The following ANXA10 variants were observed in gnomAD, a reference collection of about 807,000 sequenced individuals.
ANXA10 encodes annexin 14.
ANXA10 carries 49 observed loss-of-function variants against 53.5 expected under a neutral mutation model. That is an observed-to-expected ratio of 0.92 (90% CI 0.73 to 1.16). ANXA10 has a LOEUF of 1.16. Among genes scored for constraint, ANXA10 ranks in the 50% most tolerant of loss-of-function variants. ANXA10 has a pLI of 0.00. For missense variants in ANXA10, 393 were observed against 394.4 expected (o/e 1.00, Z 0.03); for synonymous variants, 131 against 128.9 (o/e 1.02, Z -0.11).
chr4:168,163,615 T>C (rs1394713782), intron 4 of ANXA10, among the ~76,000 whole-genome samples: 1 of 152,174 alleles, frequency 6.6e-6, no homozygotes, highest in Non-Finnish European at 1.5e-5. Flanking sequence ...TTATCAATAA[T>C]TCATAGAATG....
chr4:168,185,710 C>G (rs1245696163), intron 11 of ANXA10, among the ~76,000 whole-genome samples: 2 of 152,160 alleles, frequency 1.3e-5, no homozygotes, highest in African/African-American at 4.8e-5. Flanking sequence ...AGCATTAAAC[C>G]AAGCCAAGCA....
chr4:168,100,117 T>C (rs1404937523), intron 1 of ANXA10, among the ~76,000 whole-genome samples: 1 of 152,110 alleles, frequency 6.6e-6, no homozygotes, highest in Non-Finnish European at 1.5e-5. Context: ...TGCACTAAAC[T>C]CAGAAAACTA....
At chr4:168,136,224 A>G (rs1356401272) in intron 2 of ANXA10, among the ~76,000 whole-genome samples, 2 of 152,112 alleles carry the variant, frequency 1.3e-5, no homozygotes, top group Non-Finnish European at 2.9e-5. Flanking sequence ...TCCAAACCAT[A>G]TGATTCTGCC....
At chr4:168,174,507 G>A (rs1732079917) in intron 6 of ANXA10, among the ~76,000 whole-genome samples, 1 of 152,220 alleles carries the variant, frequency 6.6e-6, no homozygotes, top group East Asian at 1.9e-4. Flanking sequence ...AGTGGCCACA[G>A]GATCCAGGCC....
rs779350037 is a variant in ANXA10, at chr4:168,093,012, G to A, written c.18+294G>A. ...CTGAAGATTAAAGATTTGGATTTGA[G>A]CATACCTAAGAATCCATTTAATTAG... On this transcript the variant is annotated intron_variant, in intron 1 of 11. Transcript: ENST00000359299. 2.6e-4 allele frequency among the ~76,000 whole-genome samples: 40 copies of A among 151,988 alleles called. 1 individual carries two copies. The highest frequency in any genetic ancestry group is 1.2e-4 in the Non-Finnish European group (8 of 67,970).
chr4:168,184,375 G>A (rs2149482629), intron 10 of ANXA10, among the ~76,000 whole-genome samples, 184 bp from the exon 11 acceptor site: 1 of 152,318 alleles, frequency 6.6e-6, no homozygotes, highest in South Asian at 2.1e-4. Flanking sequence ...ATGCGGTAAG[G>A]GAGAGGGAGA....
Position 168,128,083 on chromosome 4 carries a change from G to C in ANXA10, c.19-1G>C. 3 of 1,611,518 alleles carry C rather than the reference G, an allele frequency of 1.9e-6. No individual in the cohort carries two copies. The highest frequency in any genetic ancestry group is 2.5e-6 in the Non-Finnish European group (3 of 1,178,192). On this transcript the variant is annotated splice_acceptor_variant, in intron 1 of 11. Transcript: ENST00000359299. LOFTEE classifies it high-confidence loss of function. The stretch of plus-strand genomic sequence containing the variant: ...CACTTTCTCATTGATTTTCCCACCA[G>C]GTGCAAGGAACCATCTTCCCAGCTC...
At chr4:168,143,807 C>G (rs562502020) in intron 3 of ANXA10, among the ~76,000 whole-genome samples, 3 of 152,204 alleles carry the variant, frequency 2.0e-5, no homozygotes, top group South Asian at 2.1e-4. Flanking sequence ...GCTGACTTGC[C>G]CAAAAGTAAA....
chr4:168,097,596 T>TA (rs1018211883), intron 1 of ANXA10, among the ~76,000 whole-genome samples: 19 of 151,346 alleles, frequency 1.3e-4, no homozygotes, highest in African/African-American at 3.4e-4. Context: ...AAAGGAAAGT[T>TA]AAAAAAAAAT....
chr4:168,156,326 A>C (rs1731677930), intron 3 of ANXA10, among the ~76,000 whole-genome samples: 4 of 111,404 alleles, frequency 3.6e-5, no homozygotes, highest in Non-Finnish European at 5.4e-5. Context: ...ATAATATATA[A>C]TATATTATAT....
chr4:168,169,120 G>T (rs1731934927), intron 6 of ANXA10, among the ~76,000 whole-genome samples: 1 of 152,148 alleles, frequency 6.6e-6, no homozygotes, highest in African/African-American at 2.4e-5. Flanking sequence ...ATTTGTAACA[G>T]AAGTTGAGGT....
intron 1 of ANXA10, among the ~76,000 whole-genome samples, chr4:168,123,054 T>G (rs1301183812): frequency 6.6e-6 from 1 of 152,106 alleles, no homozygotes; most frequent in East Asian, 1.9e-4. Flanking sequence ...AAATCTATGG[T>G]TTTGAGAGCT....
At chr4:168,117,465 G>A (rs1226565774) in intron 1 of ANXA10, among the ~76,000 whole-genome samples, 1 of 152,126 alleles carries the variant, frequency 6.6e-6, no homozygotes, top group Non-Finnish European at 1.5e-5. Context: ...AACACTCTTT[G>A]CATTACCAGC....
chr4:168,179,630 C>T (rs551263171), intron 9 of ANXA10, among the ~76,000 whole-genome samples: 1 of 152,310 alleles, frequency 6.6e-6, no homozygotes, highest in South Asian at 2.1e-4. Context: ...TCCATTTTAT[C>T]TTTACTGACT....
intron 1 of ANXA10, among the ~76,000 whole-genome samples, chr4:168,096,658 C>G (rs951732405): frequency 6.6e-6 from 1 of 151,778 alleles, no homozygotes; most frequent in Non-Finnish European, 1.5e-5. Context: ...TTCTGCACCT[C>G]AATTTTTTTT....
chr4:168,168,703 GC>G (rs1042326853), intron 6 of ANXA10, among the ~76,000 whole-genome samples: 12 of 152,196 alleles, frequency 7.9e-5, no homozygotes, highest in African/African-American at 2.9e-4. Context: ...ACAGGCGTGA[GC>G]CACCGCGCCT....
At chr4:168,127,439 A>C (rs144300067) in intron 1 of ANXA10, among the ~76,000 whole-genome samples, 216 of 152,260 alleles carry the variant, frequency 1.4e-3, no homozygotes, top group African/African-American at 4.8e-3. Flanking sequence ...CCTTATACAG[A>C]AAAAAGCTGT....
intron 3 of ANXA10, among the ~76,000 whole-genome samples, chr4:168,154,000 ACACG>A (rs1553957318): frequency 2.6e-5 from 4 of 151,512 alleles, no homozygotes; most frequent in Non-Finnish European, 5.9e-5. Flanking sequence ...ACACACACAC[ACACG>A]CACACACGCG....
rs75463557 is a variant in ANXA10 at position 168,178,004 on chromosome 4, G to C, written c.628+21G>C. 6.1e-3 allele frequency: 9,841 copies of C among 1,605,800 alleles called. 419 individuals are homozygous for C. The African/African-American group carries it at 0.1, about 17-fold the overall frequency. On this transcript the variant is annotated intron_variant, in intron 8 of 11. Coordinates refer to ENST00000359299, the MANE Select transcript of ANXA10 (RefSeq NM_007193.5). Reference sequence around the variant, plus strand: ...GCTGGGTAATTATTAACTGGGTTTCGTTCCAGCTACTTGACCAATTATATA... The same window carrying C: ...GCTGGGTAATTATTAACTGGGTTTCCTTCCAGCTACTTGACCAATTATATA...
Sources: gnomAD v4.1 joint callset for allele counts (sites outside exome capture counted in the v4.1 genomes callset) on GRCh38, gnomAD v4.1.1 for gene constraint, MANE v1.5 for transcripts, NCBI Gene and HGNC (gene_info 2026-07-23, HGNC 2026-07-21) for gene names.